The following CPD variants were observed in gnomAD, a reference collection of about 807,000 sequenced individuals.
The protein encoded by CPD is carboxypeptidase D, also known as metallocarboxypeptidase D.
Under a neutral mutation model 138.3 loss-of-function variants are expected in CPD, and 69 were observed. That is an observed-to-expected ratio of 0.50 (90% CI 0.41 to 0.61). CPD has a LOEUF of 0.61. CPD is among the 20% of genes least tolerant of loss of function. CPD has a pLI of 0.00. For missense variants in CPD, 1,432 were observed against 1,733.3 expected (o/e 0.83, Z 3.09); for synonymous variants, 651 against 642.1 (o/e 1.01, Z -0.21).
At chr17:30,390,700 T>G (rs4055617) in intron 2 of CPD, among the ~76,000 whole-genome samples, 3 of 151,944 alleles carry the variant, frequency 2.0e-5, no homozygotes, top group African/African-American at 4.8e-5. Flanking sequence ...CCTTGCTTCA[T>G]TCAACATGTC....
chr17:30,459,146 C>CTTT (rs34756707), intron 17 of CPD, among the ~76,000 whole-genome samples: 2 of 64,936 alleles, frequency 3.1e-5, no homozygotes, highest in African/African-American at 1.1e-4. Flanking sequence ...GCCAGTATCA[C>CTTT]TTTTTTTTTT....
Position 30,427,394 on chromosome 17 carries a change from A to G in CPD, c.1853A>G (p.Asp618Gly), listed in dbSNP as rs768277006. 1 of 1,613,834 alleles carries G rather than the reference A, an allele frequency of 6.2e-7. No individual in the cohort carries two copies. Among genetic ancestry groups the G allele is most frequent in the South Asian group, 1.1e-5 (1 of 91,070 alleles). ...PDGYEKSQEGDSISVIGRNNS... is the reference protein window; with the variant it reads ...PDGYEKSQEGGSISVIGRNNS... ...AATCCTTTATCATATCATACAGGAG[A>G]TTCAATAAGTGTAATTGGCAGAAAC... is the stretch of plus-strand genomic sequence containing the variant. The change falls in exon 7 of 21, where the codon GAT becomes GGT. Residue 618 changes from aspartate to glycine, a missense_variant. Asp to Gly is a moderately conservative substitution (Grantham distance 94). Transcript: ENST00000225719.
chr17:30,394,285 C>G (rs547197341), intron 2 of CPD, among the ~76,000 whole-genome samples: 1 of 152,112 alleles, frequency 6.6e-6, no homozygotes, highest in East Asian at 1.9e-4. Context: ...AGCCTCAGCT[C>G]CTACCTCTCC....
intron 2 of CPD, among the ~76,000 whole-genome samples, chr17:30,412,619 G>A (rs895379189): frequency 5.9e-5 from 9 of 152,156 alleles, no homozygotes; most frequent in South Asian, 2.1e-4. Flanking sequence ...CTGCAGCCTC[G>A]CAGGTTGATC....
chr17:30,455,616 C>A, intron 15 of CPD, 146 bp downstream of exon 15: 1 of 802,588 alleles, frequency 1.2e-6, no homozygotes, highest in Non-Finnish European at 1.9e-6. Flanking sequence ...ATTGTACATA[C>A]ATCAGCAGTT....
At chr17:30,412,993 C>T (rs1597716213) in intron 2 of CPD, among the ~76,000 whole-genome samples, 1 of 152,254 alleles carries the variant, frequency 6.6e-6, no homozygotes, top group African/African-American at 2.4e-5. Flanking sequence ...GAGCTGCAGA[C>T]CGGAGCTGTT....
chr17:30,431,526 G>A (rs575568669), intron 7 of CPD, among the ~76,000 whole-genome samples: 77 of 152,118 alleles, frequency 5.1e-4, no homozygotes, highest in Admixed American at 1.6e-3. Context: ...TTTTTTTGAG[G>A]TAGACTGTTT....
intron 7 of CPD, among the ~76,000 whole-genome samples, chr17:30,428,625 A>G (rs1384844835): frequency 6.6e-6 from 1 of 152,172 alleles, no homozygotes; most frequent in East Asian, 1.9e-4. Context: ...TTCTTTATCA[A>G]GTTGATTATA....
At chr17:30,407,061 G>A (rs183875115) in intron 2 of CPD, among the ~76,000 whole-genome samples, 8 of 152,232 alleles carry the variant, frequency 5.3e-5, no homozygotes, top group East Asian at 1.9e-4. Context: ...GAGAACATAC[G>A]GTGTTTGGTT....
At chr17:30,449,034 G>A (rs1913099391) in intron 12 of CPD, among the ~76,000 whole-genome samples, 1 of 151,986 alleles carries the variant, frequency 6.6e-6, no homozygotes, top group African/African-American at 2.4e-5. Flanking sequence ...CTTGAGTCCT[G>A]GAATTCAAGG....
At chr17:30,389,299 G>A (rs555477659) in intron 2 of CPD, among the ~76,000 whole-genome samples, 41 of 152,304 alleles carry the variant, frequency 2.7e-4, no homozygotes, top group African/African-American at 9.4e-4. Flanking sequence ...TATATCAGAA[G>A]CATTCAAAAA....
At chr17:30,401,550 C>T (rs868197870) in intron 2 of CPD, among the ~76,000 whole-genome samples, 7 of 151,932 alleles carry the variant, frequency 4.6e-5, no homozygotes, top group Non-Finnish European at 8.8e-5. Flanking sequence ...GTGGTGCGGT[C>T]GTGGCTCACT....
chr17:30,439,686 A>G (rs1359976398), intron 9 of CPD, among the ~76,000 whole-genome samples: 1 of 97,308 alleles, frequency 1.0e-5, no homozygotes, highest in African/African-American at 4.5e-5. Context: ...GCGATAGTTT[A>G]CTGAGAATGA....
At chr17:30,461,561 G>A (rs1316687921) in intron 18 of CPD, among the ~76,000 whole-genome samples, 1 of 152,150 alleles carries the variant, frequency 6.6e-6, no homozygotes, top group Non-Finnish European at 1.5e-5. Context: ...CAGAGTTACT[G>A]GAGTCAGTAT....
At position 30,385,157 on chromosome 17, in the gene CPD, T is replaced by C; in HGVS notation, c.915T>C (p.Gly305=). 6.2e-7 allele frequency: 1 copy of C among 1,614,042 alleles called. No individual in the cohort carries two copies. The highest frequency in any genetic ancestry group is 1.1e-5 in the South Asian group (1 of 91,086). Reference sequence around the variant, plus strand: ...CAAACCACCCCATAATGAAAACTGGTGAGCCTCATTGTCCAGGAGATGAAG... The same window carrying C: ...CAAACCACCCCATAATGAAAACTGGCGAGCCTCATTGTCCAGGAGATGAAG... The part of the protein sequence containing the change: ...YASNHPIMKT[G]EPHCPGDEDE... The change falls in exon 2 of 21, where the codon GGT becomes GGC. Residue 305 remains glycine, a synonymous_variant. Coordinates refer to ENST00000225719, the MANE Select transcript of CPD (RefSeq NM_001304.5).
Position 30,379,115 on chromosome 17 carries a change from C to T in CPD, c.135C>T (p.Ser45=). Residue 45 remains serine, a synonymous_variant, in exon 1 of 21, where the codon AGC becomes AGT. Transcript: ENST00000225719. The surrounding 1 kb of genome is among the most constrained non-coding windows in gnomAD (Gnocchi z 7.0). ...CGGAGGCGACTACCACAACTACGAG[C>T]GCGGGCGCCGAGGCGGCCGAGGGCC... The part of the protein sequence containing the change: ...KKAEATTTTT[S]AGAEAAEGQF... 6.5e-7 allele frequency: 1 copy of T among 1,543,366 alleles called. No homozygotes were observed. Among genetic ancestry groups the T allele is most frequent in the African/African-American group, 1.4e-5 (1 of 70,964 alleles).
At chr17:30,435,672 T>C (rs1372982973) in intron 8 of CPD, among the ~76,000 whole-genome samples, 1 of 152,148 alleles carries the variant, frequency 6.6e-6, no homozygotes, top group East Asian at 1.9e-4. Flanking sequence ...AAAACTTCTT[T>C]ACTGCAAAAA....
chr17:30,437,002 T>C (rs1912721312), intron 8 of CPD, among the ~76,000 whole-genome samples: 1 of 152,120 alleles, frequency 6.6e-6, no homozygotes, highest in South Asian at 2.1e-4. Flanking sequence ...AAAAACCTAC[T>C]AAGTGAAAGA....
chr17:30,440,536 GT>G (rs1912834300), intron 9 of CPD, among the ~76,000 whole-genome samples: 2 of 147,894 alleles, frequency 1.4e-5, no homozygotes, highest in East Asian at 4.0e-4. Flanking sequence ...GGTTTTTATG[GT>G]TTTAGGTCTA....
Sources: gnomAD v4.1 joint callset for allele counts (sites outside exome capture counted in the v4.1 genomes callset) on GRCh38, gnomAD v4.1.1 for gene constraint, Gnocchi (gnomAD v3.1) non-coding constraint, MANE v1.5 for transcripts, NCBI Gene and HGNC (gene_info 2026-07-23, HGNC 2026-07-21) for gene names.